Variants in SLC30A8 observed in about 807,000 individuals in gnomAD.
SLC30A8 encodes the protein proton-coupled zinc antiporter SLC30A8.
SLC30A8 carries 27 observed loss-of-function variants against 36.9 expected under a neutral mutation model. The ratio of observed to expected loss-of-function variants is 0.73; its 90% CI spans 0.54 to 1.01. The LOEUF is 1.01. Ranked by LOEUF, SLC30A8 falls within the 50% of genes least tolerant of loss-of-function variation. The pLI is 0.00. For synonymous variants in SLC30A8, 164 were observed against 172.4 expected (o/e 0.95, Z 0.38); for missense variants, 439 against 452.0 (o/e 0.97, Z 0.26).
intron 7 of SLC30A8, 46 bp from the exon 8 acceptor site, chr8:117,172,490 T>G: frequency 3.7e-6 from 6 of 1,612,876 alleles, no homozygotes; most frequent in South Asian, 1.1e-5. Context: ...CAGTCGCCCA[T>G]GCGTGTGCAA....
intron 1 of SLC30A8, among the ~76,000 whole-genome samples, chr8:116,984,702 C>T (rs548057009): frequency 6.6e-6 from 1 of 152,054 alleles, no homozygotes; most frequent in South Asian, 2.1e-4. Context: ...TGCTTTTTAA[C>T]TGCCGAGTTT....
intron 2 of SLC30A8, among the ~76,000 whole-genome samples, chr8:117,147,372 G>A (rs1313815685): frequency 1.3e-5 from 2 of 152,134 alleles, no homozygotes; most frequent in Non-Finnish European, 2.9e-5. Flanking sequence ...TTTAGGGAGT[G>A]TTTTGTACAA....
intron 1 of SLC30A8, among the ~76,000 whole-genome samples, chr8:116,952,100 AG>A (rs1267174281): frequency 6.6e-6 from 1 of 152,140 alleles, no homozygotes; most frequent in Non-Finnish European, 1.5e-5. Flanking sequence ...GAGAAACAAC[AG>A]CTCATAGAAG....
intron 1 of SLC30A8, among the ~76,000 whole-genome samples, chr8:117,031,303 T>C (rs1817036076): frequency 6.6e-6 from 1 of 152,338 alleles, no homozygotes; most frequent in Non-Finnish European, 1.5e-5. Context: ...AACTGTTGTT[T>C]AGAGAGAAAC....
rs185841920 is a variant in SLC30A8, at chr8:116,956,410, G to A, written c.-266+5291G>A. Among the ~76,000 whole-genome samples the A allele has an allele frequency of 7.9e-5, 12 of 152,282 alleles. No individual in the cohort carries two copies. In the East Asian group the frequency reaches 2.3e-3, roughly 29 times the overall value. On this transcript the variant is annotated intron_variant, in intron 1 of 10. Transcript: ENST00000427715. ...AAATTCCAGGATGTAACTGAAGTGTGGTAGAGATGACATTTCGATTTCATC... is the reference window on the plus strand; with the variant it reads ...AAATTCCAGGATGTAACTGAAGTGTAGTAGAGATGACATTTCGATTTCATC...
chr8:117,158,022 T>C (rs10505312), intron 4 of SLC30A8, among the ~76,000 whole-genome samples, 178 bp downstream of exon 4: 36,682 of 152,158 alleles, frequency 0.24, 4,758 homozygotes, highest in East Asian at 0.34. Flanking sequence ...AAAGTGTTTT[T>C]TAATATTGGC....
upstream of SLC30A8, chr8:116,950,327 G>A (rs1449933583): frequency 6.5e-6 from 1 of 154,024 alleles, no homozygotes; most frequent in Non-Finnish European, 1.4e-5. Context: ...GCATACTGAA[G>A]GAAGGCTTGT....
In SLC30A8 at chr8:117,172,713, C is replaced by G; in HGVS notation, c.*32C>G. The G allele has an allele frequency of 6.2e-7, 1 of 1,611,944 alleles. No individual in the cohort carries two copies. On this transcript the variant is annotated 3_prime_UTR_variant, in exon 8 of 8. Coordinates refer to ENST00000456015, the MANE Select transcript of SLC30A8 (RefSeq NM_173851.3). The stretch of plus-strand genomic sequence containing the variant: ...CACACCGTCAGTTTCCCAAATTTGA[C>G]AGGCCACCTTCAAACATGCTGCTAT...
chr8:116,973,530 A>G (rs1055557500), intron 1 of SLC30A8, among the ~76,000 whole-genome samples: 1 of 152,212 alleles, frequency 6.6e-6, no homozygotes, highest in African/African-American at 2.4e-5. Flanking sequence ...TGCTCAACGA[A>G]ATAAAAGAGG....
chr8:117,017,458 C>G lies in SLC30A8; in HGVS notation c.-265-21761C>G, dbSNP rs146161200. On this transcript the variant is annotated intron_variant, in intron 1 of 10. Transcript: ENST00000427715. Reference sequence around the variant, plus strand: ...TTTCTATGTTTGTAGTGCTTTCTCTCAGTCAAAATATTTGCTAAACACTTA... The same window carrying G: ...TTTCTATGTTTGTAGTGCTTTCTCTGAGTCAAAATATTTGCTAAACACTTA... Among the ~76,000 whole-genome samples the G allele has an allele frequency of 8.3e-4, 127 of 152,290 alleles. 1 individual carries two copies. Among genetic ancestry groups the G allele is most frequent in the South Asian group, 6.4e-3 (31 of 4,822 alleles).
At chr8:117,161,305 AT>A (rs1563635822) in intron 4 of SLC30A8, among the ~76,000 whole-genome samples, 2 of 152,176 alleles carry the variant, frequency 1.3e-5, no homozygotes, top group African/African-American at 4.8e-5. Context: ...TTTTTCCCTT[AT>A]TTATCCCTTC....
intron 1 of SLC30A8, among the ~76,000 whole-genome samples, chr8:116,987,252 A>C (rs998994257): frequency 7.2e-6 from 1 of 139,764 alleles, no homozygotes; most frequent in East Asian, 2.4e-4. Context: ...TAACATGGAC[A>C]CAGGAAGGGG....
chr8:117,019,324 T>G (rs1025487935), intron 1 of SLC30A8, among the ~76,000 whole-genome samples: 2 of 152,242 alleles, frequency 1.3e-5, no homozygotes, highest in African/African-American at 2.4e-5. Context: ...GAGCAACAGA[T>G]GTTTACTCCT....
At chr8:117,100,455 C>T (rs1298035310) in intron 2 of SLC30A8, among the ~76,000 whole-genome samples, 1 of 152,150 alleles carries the variant, frequency 6.6e-6, no homozygotes, top group Non-Finnish European at 1.5e-5. Context: ...TCTAAGCCCC[C>T]AACACAAGCC....
chr8:116,966,108 T>C (rs1226588182), intron 1 of SLC30A8, among the ~76,000 whole-genome samples: 1 of 152,114 alleles, frequency 6.6e-6, no homozygotes, highest in Non-Finnish European at 1.5e-5. Context: ...GGTCTCGAAC[T>C]CCTGACCTCA....
At chr8:117,094,979 C>T (rs1357131358) in intron 2 of SLC30A8, among the ~76,000 whole-genome samples, 1 of 152,242 alleles carries the variant, frequency 6.6e-6, no homozygotes, top group Non-Finnish European at 1.5e-5. Context: ...TGGCCCCAAC[C>T]TTGCTCCAAG....
At chr8:116,952,593 C>T (rs533771759) in intron 1 of SLC30A8, among the ~76,000 whole-genome samples, 3 of 152,160 alleles carry the variant, frequency 2.0e-5, no homozygotes, top group African/African-American at 7.2e-5. Context: ...TACAGGTGCT[C>T]ACCACCACAT....
rs139763402 is a variant in SLC30A8, at chr8:116,998,836, C to G, written c.-265-40383C>G. Among the ~76,000 whole-genome samples the G allele has an allele frequency of 3.4e-3, 519 of 152,290 alleles. 1 individual carries two copies. Among genetic ancestry groups the G allele is most frequent in the Non-Finnish European group, 4.9e-3 (335 of 68,024 alleles). ...AGCAGAGAGACAGGAAGATTCTTACCTAATACCTTCGGAGGGAGTATGGCC... is the reference window on the plus strand; with the variant it reads ...AGCAGAGAGACAGGAAGATTCTTACGTAATACCTTCGGAGGGAGTATGGCC... On this transcript the variant is annotated intron_variant, in intron 1 of 10. Transcript: ENST00000427715.
At chr8:117,018,054 G>T (rs1023191464) in intron 1 of SLC30A8, 14 of 152,190 alleles carry the variant, frequency 9.2e-5, no homozygotes, top group African/African-American at 3.4e-4. Flanking sequence ...TATGCTGATT[G>T]GGGTCCACAC....
Sources: gnomAD v4.1 joint callset for allele counts (sites outside exome capture counted in the v4.1 genomes callset) on GRCh38, gnomAD v4.1.1 for gene constraint, MANE v1.5 for transcripts, NCBI Gene and HGNC (gene_info 2026-07-23, HGNC 2026-07-21) for gene names.